Variants in FOXP2 observed in about 807,000 individuals in gnomAD.
FOXP2 encodes the protein forkhead box P2, also known as forkhead box protein P2.
FOXP2 carries 12 observed loss-of-function variants against 115.8 expected under a neutral mutation model. That is an observed-to-expected ratio of 0.10 (90% CI 0.07 to 0.17). The LOEUF (loss-of-function observed/expected upper bound fraction) is 0.17, where lower values mean the gene tolerates loss of function less well. FOXP2 is among the 10% of genes least tolerant of loss of function. The probability of loss-of-function intolerance (pLI) is 1.00; values close to 1 mark genes in which losing one functional copy is unlikely to be tolerated. For synonymous variants in FOXP2, 328 were observed against 297.7 expected, an observed-to-expected ratio of 1.10 and a Z score of -1.05; for missense variants, 629 against 843.5, an observed-to-expected ratio of 0.75 and a Z score of 3.15.
intron 1 of FOXP2, among the ~76,000 whole-genome samples, chr7:114,202,717 T>C (rs1794098387): frequency 6.6e-6 from 1 of 152,208 alleles, no homozygotes; most frequent in African/African-American, 2.4e-5. Context: ...ACTTAATCTC[T>C]AATTTGCATA....
intron 16 of FOXP2, chr7:114,665,120 T>C (rs1164815467): frequency 6.6e-6 from 1 of 152,226 alleles, no homozygotes; most frequent in Non-Finnish European, 1.5e-5. Flanking sequence ...AGTAGAAGTA[T>C]TAAAAATTGA....
intron 1 of FOXP2, among the ~76,000 whole-genome samples, chr7:114,424,031 T>C (rs1380999047): frequency 6.6e-6 from 1 of 151,588 alleles, no homozygotes; most frequent in Non-Finnish European, 1.5e-5. Flanking sequence ...ACTTAAAATG[T>C]AAATAACAGT....
intron 1 of FOXP2, among the ~76,000 whole-genome samples, chr7:114,140,986 T>G (rs1368989494): frequency 1.3e-5 from 2 of 152,254 alleles, no homozygotes; most frequent in Admixed American, 6.5e-5. Flanking sequence ...CAACAGATAA[T>G]TTTATGATTT....
At chr7:114,294,628 A>C (rs1466361425) in intron 2 of FOXP2, among the ~76,000 whole-genome samples, 1 of 151,892 alleles carries the variant, frequency 6.6e-6, no homozygotes, top group Non-Finnish European at 1.5e-5. Flanking sequence ...ATCACCTGAG[A>C]TCAGGAGTTA....
At chr7:114,584,516 C>T (rs985893549) in intron 3 of FOXP2, among the ~76,000 whole-genome samples, 8 of 152,166 alleles carry the variant, frequency 5.3e-5, no homozygotes, top group African/African-American at 1.9e-4. Flanking sequence ...GAACTAACAC[C>T]TTACTTTCAT....
chr7:114,442,214 T>G (rs1211616801), intron 2 of FOXP2, among the ~76,000 whole-genome samples: 1 of 152,184 alleles, frequency 6.6e-6, no homozygotes, highest in Non-Finnish European at 1.5e-5. Context: ...TTTTGCTAAG[T>G]GAGCCCAGCC....
intron 2 of FOXP2, among the ~76,000 whole-genome samples, chr7:114,386,114 C>G (rs1792444415): frequency 6.6e-6 from 1 of 152,182 alleles, no homozygotes; most frequent in Admixed American, 6.5e-5. Flanking sequence ...TCAGCGGACA[C>G]CCTGCCGGAT....
In FOXP2 at chr7:114,400,477, A is replaced by G. The variant is rs183684281; in HGVS notation, c.-10-26025A>G. On this transcript the variant is annotated intron_variant, in intron 2 of 17. Coordinates refer to the FOXP2 transcript ENST00000634411. Reference sequence around the variant, plus strand: ...CTATCAGAATAGATGTTAAAGAAAAACATATTCAATGATACTTGGTAAGGA... The same window carrying G: ...CTATCAGAATAGATGTTAAAGAAAAGCATATTCAATGATACTTGGTAAGGA... 6.6e-5 allele frequency among the ~76,000 whole-genome samples: 10 copies of G among 152,290 alleles called. No individual in the cohort carries two copies. In the South Asian group the frequency reaches 1.9e-3, roughly 28 times the overall value.
At chr7:114,252,375 T>C (rs1442926055) in intron 1 of FOXP2, among the ~76,000 whole-genome samples, 3 of 152,194 alleles carry the variant, frequency 2.0e-5, no homozygotes, top group Non-Finnish European at 4.4e-5. Context: ...TGGTACCAGC[T>C]CCTCCTTGTA....
chr7:114,410,848 A>G (rs1444715844), upstream of FOXP2, among the ~76,000 whole-genome samples: 1 of 152,090 alleles, frequency 6.6e-6, no homozygotes, highest in Non-Finnish European at 1.5e-5. Flanking sequence ...AGGCAGTAGA[A>G]AATAGTAGAT....
chr7:114,470,472 A>G (rs867779171), intron 2 of FOXP2, among the ~76,000 whole-genome samples: 1 of 152,088 alleles, frequency 6.6e-6, no homozygotes. Flanking sequence ...TGGTTATTTT[A>G]TTAACATTTG....
chr7:114,096,407 T>G (rs1799652850), intron 1 of FOXP2, among the ~76,000 whole-genome samples: 6 of 152,250 alleles, frequency 3.9e-5, no homozygotes, highest in African/African-American at 1.4e-4. Context: ...CAGAAAAGTA[T>G]GCCTTTAAGT....
At chr7:114,551,242 C>A (rs1025644320) in intron 3 of FOXP2, among the ~76,000 whole-genome samples, 3 of 152,074 alleles carry the variant, frequency 2.0e-5, no homozygotes, top group African/African-American at 4.8e-5. Flanking sequence ...ACTAAATGCC[C>A]TCGGTATGTT....
At position 114,691,038 on chromosome 7, in the gene FOXP2, C is replaced by A. The variant is rs745456571; in HGVS notation, c.*1112C>A. ...TAAAGACAGAGGTGAGGACAAAATC[C>A]GCAGTGGAAGTTATGATATGCTAGA... On this transcript the variant is annotated 3_prime_UTR_variant, in exon 17 of 17. Coordinates refer to ENST00000350908, the MANE Select transcript of FOXP2 (RefSeq NM_014491.4). 2.2e-6 allele frequency: 1 copy of A among 454,098 alleles called. No homozygotes were observed. Among genetic ancestry groups the A allele is most frequent in the Non-Finnish European group, 4.4e-6 (1 of 226,734 alleles). 28.1% of individuals were successfully genotyped at this position (454,098 alleles called of 1,614,324 possible).
intron 1 of FOXP2, among the ~76,000 whole-genome samples, chr7:114,110,171 C>T (rs1791231925): frequency 6.6e-6 from 1 of 152,032 alleles, no homozygotes. Flanking sequence ...TGTGCTAGCC[C>T]TAGTCGTAGT....
intron 2 of FOXP2, among the ~76,000 whole-genome samples, chr7:114,527,725 A>G (rs962194922): frequency 1.3e-5 from 2 of 152,038 alleles, no homozygotes; most frequent in Non-Finnish European, 2.9e-5. Flanking sequence ...CCTCCCTTTT[A>G]GTAGTGGCGC....
At chr7:114,226,604 G>A (rs926566133) in intron 1 of FOXP2, among the ~76,000 whole-genome samples, 1 of 152,148 alleles carries the variant, frequency 6.6e-6, no homozygotes, top group Admixed American at 6.6e-5. Context: ...TAGAAAACTA[G>A]CATTTCCAGC....
chr7:114,151,497 ACAAGG>A (rs1792527068), intron 1 of FOXP2, among the ~76,000 whole-genome samples: 1 of 152,040 alleles, frequency 6.6e-6, no homozygotes, highest in Non-Finnish European at 1.5e-5. Flanking sequence ...CAAAAAGGAG[ACAAGG>A]TTTTTGTTCT....
Position 114,415,313 on chromosome 7 carries a change from T to A in FOXP2, c.-58T>A. The A allele has an allele frequency of 2.2e-6, 1 of 453,014 alleles. No homozygotes were observed. Among genetic ancestry groups the A allele is most frequent in the Non-Finnish European group, 4.4e-6 (1 of 226,526 alleles). The allele number at this position is 453,014 out of a possible 1,614,324, so 28.1% of individuals were successfully genotyped here. A position where few individuals can be genotyped will look rare whatever the true frequency, so the allele number is the denominator to read the frequency against. On this transcript the variant is annotated 5_prime_UTR_variant, in exon 1 of 17. Transcript: ENST00000350908. ...CTAATTTTTCATCTCTTTAACAAAC[T>A]CCTATGAAGTTGAAACCGGGAAGTT...
Sources: allele counts gnomAD v4.1 joint callset (sites outside exome capture counted in the v4.1 genomes callset), GRCh38; gene constraint gnomAD v4.1.1; transcripts MANE v1.5; gene names NCBI Gene and HGNC (gene_info 2026-07-23, HGNC 2026-07-21).